TNS3: variants seen among roughly 807,000 people sequenced by gnomAD.
The protein encoded by TNS3 is tensin-3.
A neutral mutation model predicts 140.9 loss-of-function variants in TNS3; 45 were observed. The ratio of observed to expected loss-of-function variants is 0.32; its 90% confidence interval spans 0.25 to 0.41. The LOEUF is 0.41. TNS3 is among the 10% of genes least tolerant of loss of function. TNS3 has a pLI of 1.00. For synonymous variants in TNS3, 815 were observed against 788.4 expected, an observed-to-expected ratio of 1.03 and a Z score of -0.56; for missense variants, 1,716 against 1,906.7, an observed-to-expected ratio of 0.90 and a Z score of 1.86.
At chr7:47,433,870 A>T (rs1297714480) in intron 8 of TNS3, among the ~76,000 whole-genome samples, 2 of 133,938 alleles carry the variant, frequency 1.5e-5, no homozygotes, top group Admixed American at 8.4e-5. Context: ...TTTATTTAAA[A>T]GTCCGTCTGT....
Position 47,419,601 on chromosome 7 carries a change from C to T in TNS3, c.474-4395G>A, listed in dbSNP as rs1250435299. Among the ~76,000 whole-genome samples, 11 of 152,308 alleles carry T rather than the reference C, an allele frequency of 7.2e-5. No individual in the cohort carries two copies. The East Asian group carries it at 1.5e-3, about 21-fold the overall frequency. On this transcript the variant is annotated intron_variant, in intron 10 of 30. Transcript: ENST00000311160. Reference sequence around the variant, plus strand: ...GACCACCACATTGGTAGGATGAAAGCGGCTTGAATTCTGCCAAGGTATAGA... The same window carrying T: ...GACCACCACATTGGTAGGATGAAAGTGGCTTGAATTCTGCCAAGGTATAGA...
chr7:47,558,516 C>T (rs1562856031), intron 1 of TNS3, among the ~76,000 whole-genome samples: 1 of 152,138 alleles, frequency 6.6e-6, no homozygotes, highest in African/African-American at 2.4e-5. Context: ...CAGTGGAGCA[C>T]ACCTGCAGGG....
chr7:47,470,661 G>C (rs1435047672), intron 4 of TNS3: 1 of 985,272 alleles, frequency 1.0e-6, no homozygotes, highest in Non-Finnish European at 1.2e-6. Flanking sequence ...GCAGGTAATG[G>C]TCAGGGCTGA....
At chr7:47,402,110 G>T (rs1374205432) in intron 13 of TNS3, among the ~76,000 whole-genome samples, 1 of 152,220 alleles carries the variant, frequency 6.6e-6, no homozygotes, top group Non-Finnish European at 1.5e-5. Flanking sequence ...CTAACCAGAT[G>T]AACATCCACC....
At chr7:47,297,785 G>GTTTTTT (rs768611066) in intron 23 of TNS3, among the ~76,000 whole-genome samples, 2 of 136,300 alleles carry the variant, frequency 1.5e-5, no homozygotes, top group Non-Finnish European at 1.6e-5. Flanking sequence ...AAGGAAAGAA[G>GTTTTTT]TTTTTTTTTT....
At chr7:47,369,983 A>G (rs1275709121) in intron 16 of TNS3, among the ~76,000 whole-genome samples, 1 of 152,230 alleles carries the variant, frequency 6.6e-6, no homozygotes, top group Non-Finnish European at 1.5e-5. Flanking sequence ...TAAATCCCCA[A>G]GAATGGACTG....
At chr7:47,408,540 T>TA (rs1192107171) in intron 13 of TNS3, among the ~76,000 whole-genome samples, 1 of 152,042 alleles carries the variant, frequency 6.6e-6, no homozygotes, top group African/African-American at 2.4e-5. Flanking sequence ...TCTGGTCCGA[T>TA]AGAGGAAAGT....
chr7:47,386,128 G>A (rs1018746020), intron 16 of TNS3, among the ~76,000 whole-genome samples: 8 of 152,236 alleles, frequency 5.3e-5, no homozygotes, highest in Non-Finnish European at 1.2e-4. Flanking sequence ...GTCAAAGGGT[G>A]TATTTTCCTT....
At chr7:47,383,683 T>C (rs111868830) in intron 16 of TNS3, among the ~76,000 whole-genome samples, 3,668 of 152,192 alleles carry the variant, frequency 0.024, 145 homozygotes, top group African/African-American at 0.083. Flanking sequence ...ATACAAAGCG[T>C]CTGGGGACAG....
chr7:47,423,139 T>C (rs746307494), intron 10 of TNS3, among the ~76,000 whole-genome samples: 8 of 152,198 alleles, frequency 5.3e-5, no homozygotes, highest in Non-Finnish European at 1.0e-4. Context: ...TAGCCCTCAG[T>C]TGCACTGGAG....
chr7:47,326,634 C>T lies in TNS3; in HGVS notation c.2650+18121G>A, dbSNP rs140296339. ...CCAAGGGAGAAAATCACCCCTCTCT[C>T]GAAATAGGTGGACCAAAATTCTTTT... is the stretch of plus-strand genomic sequence containing the variant. On this transcript the variant is annotated intron_variant, in intron 20 of 30. Coordinates refer to ENST00000311160, the MANE Select transcript of TNS3 (RefSeq NM_022748.12). Among the ~76,000 whole-genome samples, 44 of 152,180 alleles carry T rather than the reference C, an allele frequency of 2.9e-4. No homozygotes were observed. In the East Asian group the frequency reaches 5.8e-3, roughly 20 times the overall value.
At chr7:47,539,803 G>A (rs1271978493) in intron 1 of TNS3, among the ~76,000 whole-genome samples, 1 of 152,104 alleles carries the variant, frequency 6.6e-6, no homozygotes, top group Non-Finnish European at 1.5e-5. Flanking sequence ...CACCAAGCAG[G>A]AGCAATAAAC....
intron 24 of TNS3, among the ~76,000 whole-genome samples, chr7:47,295,787 C>T (rs1785982490): frequency 6.6e-6 from 1 of 152,176 alleles, no homozygotes; most frequent in Non-Finnish European, 1.5e-5. Flanking sequence ...CTGCCTGAGG[C>T]TGGACCTCCT....
chr7:47,442,039 G>A lies in TNS3; in HGVS notation c.-59C>T, dbSNP rs1019212571. 16 of 1,283,084 alleles carry A rather than the reference G, an allele frequency of 1.2e-5. No individual in the cohort carries two copies. The highest frequency in any genetic ancestry group is 1.1e-4 in the East Asian group (2 of 17,932). The allele number at this position is 1,283,084 out of a possible 1,614,324, so 79.5% of individuals were successfully genotyped here. A position where few individuals can be genotyped will look rare whatever the true frequency, so the allele number is the denominator to read the frequency against. ...ATCACGGCAGAGAGAACTGGACAGC[G>A]TGGAACTCCCTGGAGCCTGCAAATA... On this transcript the variant is annotated 5_prime_UTR_variant, in exon 5 of 31. It adds an upstream start codon to the 5' untranslated region. Coordinates refer to ENST00000311160, the MANE Select transcript of TNS3 (RefSeq NM_022748.12).
At chr7:47,530,833 A>AAAAAAAAAAAAAAAAAAAAAAAAC (rs1799368274) in intron 1 of TNS3, among the ~76,000 whole-genome samples, 1 of 120,524 alleles carries the variant, frequency 8.3e-6, no homozygotes, top group Non-Finnish European at 1.7e-5. Flanking sequence ...CAAAAAAAAA[A>AAAAAAAAAAAAAAAAAAAAAAAAC]AAAAAATATA....
chr7:47,468,308 G>A (rs1242769360), intron 4 of TNS3, among the ~76,000 whole-genome samples: 1 of 152,138 alleles, frequency 6.6e-6, no homozygotes, highest in Non-Finnish European at 1.5e-5. Flanking sequence ...AGGCGTGGTG[G>A]CACACGCATA....
chr7:47,541,161 G>C (rs1584835953), intron 1 of TNS3, among the ~76,000 whole-genome samples: 1 of 152,170 alleles, frequency 6.6e-6, no homozygotes, highest in Non-Finnish European at 1.5e-5. Context: ...CAGGATGATT[G>C]AGCATAAGGA....
chr7:47,534,205 C>G (rs1190612819), intron 1 of TNS3, among the ~76,000 whole-genome samples: 1 of 151,924 alleles, frequency 6.6e-6, no homozygotes, highest in East Asian at 1.9e-4. Context: ...ACCCAGGAGT[C>G]AGAGGCTGCA....
intron 13 of TNS3, 97 bp from the exon 14 acceptor site, chr7:47,401,011 T>C: frequency 6.5e-7 from 1 of 1,539,122 alleles, no homozygotes; most frequent in Non-Finnish European, 8.8e-7. Flanking sequence ...CAGCAGGGCC[T>C]CCCCTCTGGA....
Sources: allele counts gnomAD v4.1 joint callset (sites outside exome capture counted in the v4.1 genomes callset), GRCh38; gene constraint gnomAD v4.1.1; transcripts MANE v1.5; gene names NCBI Gene and HGNC (gene_info 2026-07-23, HGNC 2026-07-21).